Variants in STK3 observed in about 807,000 individuals in gnomAD.
STK3 encodes serine/threonine kinase 3.
In STK3, 41 loss-of-function variants were observed where a neutral mutation model predicts 58.0. That is an observed-to-expected ratio of 0.71 (90% CI 0.55 to 0.92). The LOEUF (loss-of-function observed/expected upper bound fraction) is 0.92. Among genes scored for constraint, STK3 ranks in the 40% least tolerant of loss-of-function variants. The pLI is 0.00. For missense variants in STK3, 479 were observed against 602.7 expected (o/e 0.79, Z 2.15); for synonymous variants, 170 against 191.0 (o/e 0.89, Z 0.91).
chr8:98,740,880 A>C (rs1181390605), intron 4 of STK3, among the ~76,000 whole-genome samples: 1 of 152,192 alleles, frequency 6.6e-6, no homozygotes, highest in Non-Finnish European at 1.5e-5. Flanking sequence ...CAAAGGCTCA[A>C]AATAAAAGGA....
chr8:98,619,078 C>T (rs1300009515), intron 6 of STK3, among the ~76,000 whole-genome samples: 2 of 150,204 alleles, frequency 1.3e-5, no homozygotes, highest in African/African-American at 2.5e-5. Context: ...TACAAGGCTA[C>T]AGTAACCAAA....
chr8:98,654,772 T>A (rs1821331090), intron 6 of STK3, among the ~76,000 whole-genome samples: 6 of 152,034 alleles, frequency 3.9e-5, no homozygotes, highest in African/African-American at 1.5e-4. Context: ...GAATCCAAAT[T>A]AAAAGGGACG....
chr8:98,577,496 A>G (rs1190744850), intron 8 of STK3, among the ~76,000 whole-genome samples: 1 of 152,170 alleles, frequency 6.6e-6, no homozygotes, highest in Non-Finnish European at 1.5e-5. Context: ...CAAAAACAAA[A>G]TAAAATAAAA....
At chr8:98,817,432 C>T (rs898318494) in intron 1 of STK3, among the ~76,000 whole-genome samples, 7 of 139,588 alleles carry the variant, frequency 5.0e-5, no homozygotes, top group Non-Finnish European at 7.6e-5. Context: ...CCAGCCTGGG[C>T]GACAGAGCAA....
At chr8:98,419,251 C>T (rs1402448453) in intron 3 of STK3, among the ~76,000 whole-genome samples, 1 of 152,054 alleles carries the variant, frequency 6.6e-6, no homozygotes, top group Non-Finnish European at 1.5e-5. Context: ...ATCCCACCTA[C>T]TTGGGAAGCT....
intron 3 of STK3, among the ~76,000 whole-genome samples, chr8:98,753,242 C>T (rs1175690702): frequency 6.6e-6 from 1 of 152,122 alleles, no homozygotes; most frequent in East Asian, 1.9e-4. Flanking sequence ...CAATGATAGA[C>T]TGGATAATGA....
intron 1 of STK3, among the ~76,000 whole-genome samples, chr8:98,802,750 G>A (rs185474258): frequency 1.2e-3 from 181 of 152,234 alleles, no homozygotes; most frequent in African/African-American, 4.2e-3. Flanking sequence ...CTCATTCCAT[G>A]AGATACCAAG....
At chr8:98,845,696 G>C (rs1156874667) in intron 3 of STK3, among the ~76,000 whole-genome samples, 1 of 139,672 alleles carries the variant, frequency 7.2e-6, no homozygotes, top group Non-Finnish European at 1.6e-5. Flanking sequence ...AGTTGCTAAT[G>C]ACAGAAAATC....
chr8:98,506,747 C>A (rs1367799873), intron 10 of STK3, among the ~76,000 whole-genome samples: 1 of 152,000 alleles, frequency 6.6e-6, no homozygotes, highest in African/African-American at 2.4e-5. Flanking sequence ...GAGAAAGAAC[C>A]AAAGACTCAA....
intron 3 of STK3, among the ~76,000 whole-genome samples, chr8:98,421,634 G>A (rs1320406377): frequency 2.6e-5 from 4 of 152,074 alleles, no homozygotes; most frequent in African/African-American, 4.8e-5. Context: ...AAATTAGCCA[G>A]GTGTGGTGTC....
chr8:98,893,337 C>A (rs1838270484), intron 1 of STK3, among the ~76,000 whole-genome samples: 1 of 149,518 alleles, frequency 6.7e-6, no homozygotes, highest in African/African-American at 2.5e-5. Flanking sequence ...TGCAGTGAGG[C>A]AAGATTGCAC....
intron 8 of STK3, among the ~76,000 whole-genome samples, chr8:98,548,883 A>G (rs1431131060): frequency 2.0e-5 from 3 of 152,128 alleles, no homozygotes; most frequent in Non-Finnish European, 2.9e-5. Flanking sequence ...GAATCATACA[A>G]TATATTTTGC....
the STK3 span, among the ~76,000 whole-genome samples, chr8:98,363,038 G>T: frequency 6.6e-6 from 1 of 152,122 alleles, no homozygotes; most frequent in Non-Finnish European, 1.5e-5. Context: ...TCCAGGAAAG[G>T]CTCATGCATT....
chr8:98,777,957 A>C (rs1310169068), intron 1 of STK3, among the ~76,000 whole-genome samples: 2 of 152,248 alleles, frequency 1.3e-5, no homozygotes, highest in East Asian at 3.8e-4. Context: ...ACCATTCAGG[A>C]CATAGGCATG....
At chr8:98,798,876 C>T (rs1250925465) in intron 1 of STK3, among the ~76,000 whole-genome samples, 1 of 152,120 alleles carries the variant, frequency 6.6e-6, no homozygotes, top group East Asian at 1.9e-4. Flanking sequence ...GGATTAAGAC[C>T]CTAATGAAAG....
intron 3 of STK3, among the ~76,000 whole-genome samples, chr8:98,831,188 T>C (rs1835522883): frequency 6.6e-6 from 1 of 152,188 alleles, no homozygotes; most frequent in African/African-American, 2.4e-5. Flanking sequence ...ACTGAATACG[T>C]ACACCACCAT....
chr8:98,663,264 GA>G (rs1345330118), intron 6 of STK3, among the ~76,000 whole-genome samples: 1 of 152,140 alleles, frequency 6.6e-6, no homozygotes, highest in East Asian at 1.9e-4. Flanking sequence ...AAAGACACAT[GA>G]AAAAATGCTC....
chr8:98,744,457 C>G (rs929689566), intron 4 of STK3, among the ~76,000 whole-genome samples: 3 of 151,464 alleles, frequency 2.0e-5, no homozygotes, highest in Non-Finnish European at 2.9e-5. Context: ...TGGAAATCAT[C>G]ATTCTCAGTA....
In STK3 at chr8:98,581,993, T is replaced by C. The variant is rs1320342360; in HGVS notation, c.823-2204A>G. 1.3e-4 allele frequency among the ~76,000 whole-genome samples: 20 copies of C among 152,296 alleles called. No homozygotes were observed. The East Asian group carries it at 3.9e-3, about 29-fold the overall frequency. ...TTGTTTTATCTGAAGTGTTTTTGTATAAATCATTAATTTTGAACACTATCA... is the reference window on the plus strand; with the variant it reads ...TTGTTTTATCTGAAGTGTTTTTGTACAAATCATTAATTTTGAACACTATCA... On this transcript the variant is annotated intron_variant, in intron 7 of 10. Transcript: ENST00000419617.
Sources: gnomAD v4.1 joint callset for allele counts (sites outside exome capture counted in the v4.1 genomes callset) on GRCh38, gnomAD v4.1.1 for gene constraint, MANE v1.5 for transcripts, NCBI Gene and HGNC (gene_info 2026-07-23, HGNC 2026-07-21) for gene names.